BRIP1: variants seen among roughly 807,000 people sequenced by gnomAD.
The protein encoded by BRIP1 is BRCA1 interacting DNA helicase 1.
Under a neutral mutation model 119.7 loss-of-function variants are expected in BRIP1, and 88 were observed. The ratio of observed to expected loss-of-function variants is 0.74; its 90% CI spans 0.62 to 0.88. BRIP1 has a LOEUF of 0.88. BRIP1 is among the 40% of genes least tolerant of loss of function. The pLI, the probability that BRIP1 is intolerant of heterozygous loss-of-function variation, is 0.00. For missense variants in BRIP1, 1,259 were observed against 1,455.4 expected, an observed-to-expected ratio of 0.87 and a Z score of 2.20; for synonymous variants, 443 against 496.5, an observed-to-expected ratio of 0.89 and a Z score of 1.43.
rs1555602100 is a variant in BRIP1 at position 61,780,248 on chromosome 17, A to C, written c.1935+13T>G. On this transcript the variant is annotated intron_variant, in intron 13 of 19. Transcript: ENST00000259008. This position sits in a 1 kb window ranked among gnomAD's most constrained non-coding sequence, Gnocchi z 5.4. ...ACACTGAAGGCCTTCCAAAAAAAAA[A>C]ACAACAACTAACCTGTGAATTTTTA... 2 of 1,610,730 alleles carry C rather than the reference A, an allele frequency of 1.2e-6. No individual in the cohort carries two copies. Among genetic ancestry groups the C allele is most frequent in the Non-Finnish European group, 1.7e-6 (2 of 1,178,376 alleles).
rs587782156 is a variant in BRIP1, at chr17:61,808,735, C to T, written c.650G>A (p.Cys217Tyr). ...PQKPPGHCSR[C>Y]CCSTKQGNSQ... ...GTTTCCTTGTTTAGTAGAACAACAG[C>T]ACCTAGAACAGTGGCCAGGGGGCTG... is the stretch of plus-strand genomic sequence containing the variant. The change falls in exon 7 of 20, where the codon TGC becomes TAC. Residue 217 changes from cysteine (C) to tyrosine (Y), a missense_variant. This residue lies in a region of BRIP1 where 501 missense variants were observed against 544.0 expected (regional missense o/e 0.92). Transcript: ENST00000259008. The surrounding 1 kb of genome is among the most constrained non-coding windows in gnomAD (Gnocchi z 4.1). 1 of 1,613,348 alleles carries T rather than the reference C, an allele frequency of 6.2e-7. No individual in the cohort carries two copies. Among genetic ancestry groups the T allele is most frequent in the South Asian group, 1.1e-5 (1 of 91,074 alleles).
chr17:61,839,007 A>G (rs1272406259), intron 6 of BRIP1, among the ~76,000 whole-genome samples: 1 of 152,162 alleles, frequency 6.6e-6, no homozygotes, highest in East Asian at 1.9e-4. Context: ...ATGATTTATA[A>G]TAAGTCACTT....
chr17:61,793,150 C>T lies in BRIP1; in HGVS notation c.1473+447G>A, dbSNP rs531051337. 6.6e-5 allele frequency among the ~76,000 whole-genome samples: 10 copies of T among 152,050 alleles called. No individual in the cohort carries two copies. Among genetic ancestry groups the T allele is most frequent in the Admixed American group, 1.3e-4 (2 of 15,284 alleles). ...ATTTAGAAAAATGTACAAAAGGATACGCTCATAAAATTTTGCATATAGCTT... is the reference window on the plus strand; with the variant it reads ...ATTTAGAAAAATGTACAAAAGGATATGCTCATAAAATTTTGCATATAGCTT... On this transcript the variant is annotated intron_variant, in intron 10 of 19. Coordinates refer to ENST00000259008, the MANE Select transcript of BRIP1 (RefSeq NM_032043.3). This position sits in a 1 kb window ranked among gnomAD's most constrained non-coding sequence, Gnocchi z 5.2.
chr17:61,697,160 A>G (rs1289053077), intron 17 of BRIP1, among the ~76,000 whole-genome samples: 1 of 150,996 alleles, frequency 6.6e-6, no homozygotes, highest in Non-Finnish European at 1.5e-5. Flanking sequence ...CCTGGCCAAC[A>G]TAGTGAAACC....
chr17:61,773,244 T>C (rs976641189), intron 14 of BRIP1, among the ~76,000 whole-genome samples: 1 of 151,960 alleles, frequency 6.6e-6, no homozygotes, highest in African/African-American at 2.4e-5. Flanking sequence ...GAACAACTAA[T>C]TGACAAACCT....
At position 61,798,741 on chromosome 17, in the gene BRIP1, G is replaced by A. The variant is rs2077939724; in HGVS notation, c.1340+359C>T. 6.6e-6 allele frequency among the ~76,000 whole-genome samples: 1 copy of A among 151,840 alleles called. No individual in the cohort carries two copies. On this transcript the variant is annotated intron_variant, in intron 9 of 19. Transcript: ENST00000259008. The surrounding 1 kb of genome is among the most constrained non-coding windows in gnomAD (Gnocchi z 5.5). The stretch of plus-strand genomic sequence containing the variant: ...TGAAACTAGAATCCTATTTAAATTG[G>A]AGAATAAAGCAATAAATTAAAGCCA...
chr17:61,791,243 C>T (rs2077811252), intron 10 of BRIP1, among the ~76,000 whole-genome samples: 1 of 151,966 alleles, frequency 6.6e-6, no homozygotes, highest in Admixed American at 6.5e-5. Context: ...GAGCCCAGCA[C>T]TTTGGGAGGC....
In BRIP1 at chr17:61,683,421, T is replaced by C. The variant is rs1603274780; in HGVS notation, c.3625A>G (p.Ile1209Val). 6.2e-7 allele frequency: 1 copy of C among 1,613,668 alleles called. No individual in the cohort carries two copies. Among genetic ancestry groups the C allele is most frequent in the African/African-American group, 1.3e-5 (1 of 75,036 alleles). ...LHIEESKIDD[I>V]DGNVKTTWIN... is the part of the protein sequence containing the mutation. ...CAAGTTGTTTTTACATTACCATCAA[T>C]GTCATCAATTTTACTTTCTTCAATA... is the stretch of plus-strand genomic sequence containing the variant. Residue 1209 changes from isoleucine to valine, a missense_variant, in exon 20 of 20, where the codon ATT (isoleucine) becomes GTT (valine). Physicochemically the swap from Ile to Val is conservative, Grantham distance 29. This residue lies in a region of BRIP1 where 753 missense variants were observed against 891.8 expected (regional missense o/e 0.84). Coordinates refer to ENST00000259008, the MANE Select transcript of BRIP1 (RefSeq NM_032043.3). The surrounding 1 kb of genome is among the most constrained non-coding windows in gnomAD (Gnocchi z 4.7).
rs888437535 is a variant in BRIP1, at chr17:61,705,164, T to G, written c.2492+10787A>C. ...AGTCCATGTGTACCCATTGTTTATC[T>G]CCCATTTATAAGTGGGAACATATGG... On this transcript the variant is annotated intron_variant, in intron 17 of 19. Transcript: ENST00000259008. The surrounding 1 kb of genome is among the most constrained non-coding windows in gnomAD (Gnocchi z 5.0). Among the ~76,000 whole-genome samples, 1 of 152,148 alleles carries G rather than the reference T, an allele frequency of 6.6e-6. No individual in the cohort carries two copies.
Position 61,682,433 on chromosome 17 carries a change from A to G in BRIP1, c.*863T>C, listed in dbSNP as rs1330825619. On this transcript the variant is annotated 3_prime_UTR_variant, in exon 20 of 20. Coordinates refer to ENST00000259008, the MANE Select transcript of BRIP1 (RefSeq NM_032043.3). This position sits in a 1 kb window ranked among gnomAD's most constrained non-coding sequence, Gnocchi z 4.9. The stretch of plus-strand genomic sequence containing the variant: ...TGGAATACTTCATTTGGCATTTTAT[A>G]TCTTTACGTCAATTTGTTTATGACA... 4.9e-6 allele frequency: 1 copy of G among 204,732 alleles called. No homozygotes were observed. The highest frequency in any genetic ancestry group is 1.0e-5 in the Non-Finnish European group (1 of 100,152). The allele number at this position is 204,732 out of a possible 1,614,324, so 12.7% of individuals were successfully genotyped here. A position where few individuals can be genotyped will look rare whatever the true frequency, so the allele number is the denominator to read the frequency against.
In BRIP1 at chr17:61,726,744, T is replaced by C. The variant is rs2076770636; in HGVS notation, c.2380-10681A>G. On this transcript the variant is annotated intron_variant, in intron 16 of 19. Transcript: ENST00000259008. The surrounding 1 kb of genome is among the most constrained non-coding windows in gnomAD (Gnocchi z 6.2). ...ATTTTCTAAGAAATTTTAGCTAACA[T>C]TAGCACTCTTTAATATCCTCCATAA... is the stretch of plus-strand genomic sequence containing the variant. Among the ~76,000 whole-genome samples, 1 of 152,218 alleles carries C rather than the reference T, an allele frequency of 6.6e-6. No individual in the cohort carries two copies. The highest frequency in any genetic ancestry group is 2.4e-5 in the African/African-American group (1 of 41,462).
chr17:61,833,171 C>T (rs2078517737), intron 6 of BRIP1, among the ~76,000 whole-genome samples: 1 of 152,186 alleles, frequency 6.6e-6, no homozygotes, highest in Admixed American at 6.5e-5. Context: ...TGAATAGCTA[C>T]ACTCATGTCG....
At chr17:61,830,495 C>A (rs1273185402) in intron 6 of BRIP1, among the ~76,000 whole-genome samples, 6 of 151,864 alleles carry the variant, frequency 4.0e-5, no homozygotes, top group African/African-American at 7.3e-5. Flanking sequence ...TGAAAGAGGG[C>A]ATATCACTAC....
chr17:61,713,421 C>G lies in BRIP1; in HGVS notation c.2492+2530G>C, dbSNP rs1430402896. 6.6e-6 allele frequency among the ~76,000 whole-genome samples: 1 copy of G among 152,070 alleles called. No homozygotes were observed. Among genetic ancestry groups the G allele is most frequent in the Non-Finnish European group, 1.5e-5 (1 of 68,004 alleles). On this transcript the variant is annotated intron_variant, in intron 17 of 19. Coordinates refer to ENST00000259008, the MANE Select transcript of BRIP1 (RefSeq NM_032043.3). This position sits in a 1 kb window ranked among gnomAD's most constrained non-coding sequence, Gnocchi z 4.9. ...GCTCCATGCATGTTATTTATTGGTCCTGAAGACCTTCCAGTGATTCAAGAC... is the reference window on the plus strand; with the variant it reads ...GCTCCATGCATGTTATTTATTGGTCGTGAAGACCTTCCAGTGATTCAAGAC...
chr17:61,751,914 G>A lies in BRIP1; in HGVS notation c.2098-7323C>T, dbSNP rs1288497039. On this transcript the variant is annotated intron_variant, in intron 14 of 19. Transcript: ENST00000259008. This position sits in a 1 kb window ranked among gnomAD's most constrained non-coding sequence, Gnocchi z 6.7. ...CTCCTGAGTAGCTGGGACTACAGGC[G>A]GACACCACCACACCTGACTAATTTT... Among the ~76,000 whole-genome samples the A allele has an allele frequency of 2.0e-5, 3 of 151,852 alleles. No homozygotes were observed. Among genetic ancestry groups the A allele is most frequent in the East Asian group, 1.9e-4 (1 of 5,166 alleles).
rs2061754304 is a variant in BRIP1, at chr17:61,710,473, A to C, written c.2492+5478T>G. On this transcript the variant is annotated intron_variant, in intron 17 of 19. Transcript: ENST00000259008. The surrounding 1 kb of genome is among the most constrained non-coding windows in gnomAD (Gnocchi z 5.4). ...AATGCTATAGGTTTACTAAGGTATA[A>C]ATAACTCTAGTTGGAGAAGTTTTAA... is the stretch of plus-strand genomic sequence containing the variant. 6.6e-6 allele frequency among the ~76,000 whole-genome samples: 1 copy of C among 152,220 alleles called. No individual in the cohort carries two copies. The highest frequency in any genetic ancestry group is 2.4e-5 in the African/African-American group (1 of 41,452).
rs1060504326 is a variant in BRIP1, at chr17:61,784,374, A to G, written c.1524T>C (p.Tyr508=). Reference sequence around the variant, plus strand: ...GTACTTCTCTTGCCTCCTCTTTACCATAAATTGGTGAGATTTTTTCCTCTT... The same window carrying G: ...GTACTTCTCTTGCCTCCTCTTTACCGTAAATTGGTGAGATTTTTTCCTCTT... ...LQKEEKISPI[Y]GKEEAREVPV... Residue 508 remains tyrosine, a synonymous_variant, in exon 11 of 20, where the codon TAT becomes TAC. Transcript: ENST00000259008. 4 of 1,613,478 alleles carry G rather than the reference A, an allele frequency of 2.5e-6. No individual in the cohort carries two copies. Among genetic ancestry groups the G allele is most frequent in the Non-Finnish European group, 3.4e-6 (4 of 1,179,546 alleles).
chr17:61,851,613 TGA>T lies in BRIP1; in HGVS notation c.380-2359_380-2358del. On this transcript the variant is annotated intron_variant, in intron 4 of 19. Transcript: ENST00000259008. The surrounding 1 kb of genome is among the most constrained non-coding windows in gnomAD (Gnocchi z 4.6). ...AATTAGGGTTCTCTATACTTTTATA[TGA>T]GTCTATCACTGTGCTAACCTCAGTC... 6.6e-6 allele frequency among the ~76,000 whole-genome samples: 1 copy of T among 152,348 alleles called. No homozygotes were observed. Among genetic ancestry groups the T allele is most frequent in the Non-Finnish European group, 1.5e-5 (1 of 68,028 alleles).
At chr17:61,698,081 C>T (rs1317320149) in intron 17 of BRIP1, among the ~76,000 whole-genome samples, 1 of 152,222 alleles carries the variant, frequency 6.6e-6, no homozygotes, top group East Asian at 1.9e-4. Flanking sequence ...GCTAGGATTA[C>T]ACACGTGAGC....
Sources: allele counts gnomAD v4.1 joint callset (sites outside exome capture counted in the v4.1 genomes callset), GRCh38; gene constraint gnomAD v4.1.1; regional missense constraint gnomAD v4.1.1; non-coding constraint Gnocchi (gnomAD v3.1); transcripts MANE v1.5; gene names NCBI Gene and HGNC (gene_info 2026-07-23, HGNC 2026-07-21).